COL4A6: variants seen among roughly 807,000 people sequenced by gnomAD.
COL4A6 encodes collagen type IV alpha 6 chain.
A neutral mutation model predicts 126.7 loss-of-function variants in COL4A6; 59 were observed. The observed-to-expected ratio is 0.47, with a 90% CI of 0.38 to 0.58. The LOEUF is 0.58. Among genes scored for constraint, COL4A6 ranks in the 20% least tolerant of loss-of-function variants. The probability of loss-of-function intolerance (pLI) is 0.00; values close to 1 mark genes in which losing one functional copy is unlikely to be tolerated. For missense variants in COL4A6, 1,285 were observed against 1,337.3 expected (o/e 0.96, Z 0.61); for synonymous variants, 547 against 496.6 (o/e 1.10, Z -1.35).
chrX:108,349,859 T>C (rs34149005), intron 2 of COL4A6, among the ~76,000 whole-genome samples: 6,937 of 111,796 alleles, frequency 0.062, 513 homozygotes, highest in African/African-American at 0.2. Context: ...TATTTTCGTC[T>C]ATGCTAGGCA....
intron 5 of COL4A6, among the ~76,000 whole-genome samples, chrX:108,215,704 T>G (rs2035840434): frequency 9.0e-6 from 1 of 111,276 alleles, no homozygotes; most frequent in African/African-American, 3.3e-5. Flanking sequence ...TTTTCCATAG[T>G]CTTAGTTCCT....
intron 2 of COL4A6, among the ~76,000 whole-genome samples, chrX:108,318,747 A>T (rs1926026406): frequency 8.9e-6 from 1 of 112,422 alleles, no homozygotes; most frequent in Non-Finnish European, 1.9e-5. Context: ...ATGGAAGAAT[A>T]TTCCATGCTC....
At chrX:108,228,100 C>G (rs1339590029) in intron 3 of COL4A6, among the ~76,000 whole-genome samples, 2 of 111,576 alleles carry the variant, frequency 1.8e-5, no homozygotes, top group Non-Finnish European at 3.8e-5. Flanking sequence ...AAAACAATAC[C>G]TTTTAGAGCC....
At chrX:108,404,483 G>A (rs959735665) in intron 2 of COL4A6, among the ~76,000 whole-genome samples, 3 of 111,640 alleles carry the variant, frequency 2.7e-5, no homozygotes, top group African/African-American at 9.8e-5. Context: ...CCCTGCGGAA[G>A]TTTTGATTTG....
intron 2 of COL4A6, among the ~76,000 whole-genome samples, chrX:108,410,613 A>G (rs1251095952): frequency 8.9e-6 from 1 of 111,907 alleles, no homozygotes; most frequent in African/African-American, 3.2e-5. Context: ...CTTTGCAAGT[A>G]GGATTGGGTA....
intron 2 of COL4A6, among the ~76,000 whole-genome samples, chrX:108,356,456 A>C (rs7056288): frequency 0.074 from 8,190 of 111,398 alleles, 666 homozygotes; most frequent in African/African-American, 0.23. Flanking sequence ...GCTGAAAAGT[A>C]TTGTGAAGCA....
intron 2 of COL4A6, among the ~76,000 whole-genome samples, chrX:108,417,703 A>G (rs778018696): frequency 6.1e-4 from 68 of 112,260 alleles, no homozygotes; most frequent in South Asian, 2.6e-3. Flanking sequence ...ATATTGTTTT[A>G]CTTACATAGT....
chrX:108,294,398 T>TG (rs1247328277), intron 3 of COL4A6, among the ~76,000 whole-genome samples: 2 of 88,709 alleles, frequency 2.3e-5, no homozygotes, highest in Admixed American at 1.6e-4. Flanking sequence ...AGGGCAATTG[T>TG]GTTTTTTTTT....
chrX:108,316,116 T>G (rs765879888), intron 2 of COL4A6, among the ~76,000 whole-genome samples: 1 of 112,018 alleles, frequency 8.9e-6, no homozygotes, highest in Non-Finnish European at 1.9e-5. Flanking sequence ...GGAAGCAAGA[T>G]AGGAAGTAAC....
At chrX:108,391,268 G>A (rs1317809429) in intron 2 of COL4A6, among the ~76,000 whole-genome samples, 1 of 112,001 alleles carries the variant, frequency 8.9e-6, no homozygotes, top group Non-Finnish European at 1.9e-5. Context: ...AGGCAGGAAC[G>A]TTTAAGTCTG....
intron 3 of COL4A6, among the ~76,000 whole-genome samples, chrX:108,238,362 C>T (rs1284726364): frequency 9.1e-6 from 1 of 109,290 alleles, no homozygotes; most frequent in African/African-American, 3.3e-5. Context: ...CCACCTTGGC[C>T]TCCCAAAGTG....
At chrX:108,238,251 G>A (rs914669617) in intron 3 of COL4A6, among the ~76,000 whole-genome samples, 3 of 108,331 alleles carry the variant, frequency 2.8e-5, no homozygotes, top group Non-Finnish European at 3.8e-5. Flanking sequence ...GATTATAGGC[G>A]CCTACCACCA....
At chrX:108,207,848 T>G (rs1008641606) in intron 8 of COL4A6, among the ~76,000 whole-genome samples, 1 of 110,940 alleles carries the variant, frequency 9.0e-6, no homozygotes, top group Non-Finnish European at 1.9e-5. Flanking sequence ...ATTCATGGAT[T>G]TGGGTATCCA....
chrX:108,292,754 C>G (rs1008573202), intron 3 of COL4A6, among the ~76,000 whole-genome samples: 1 of 109,304 alleles, frequency 9.1e-6, no homozygotes, highest in Non-Finnish European at 1.9e-5. Context: ...CTGAGCCCCT[C>G]CCTGAAAGTC....
intron 20 of COL4A6, among the ~76,000 whole-genome samples, chrX:108,189,611 A>C (rs1569341915): frequency 8.9e-6 from 1 of 112,506 alleles, no homozygotes; most frequent in African/African-American, 3.2e-5. Context: ...TTAACATCTA[A>C]GTTAACTTAA....
At chrX:108,335,109 C>T (rs779630220) in intron 2 of COL4A6, among the ~76,000 whole-genome samples, 34 of 112,065 alleles carry the variant, frequency 3.0e-4, no homozygotes, top group Non-Finnish European at 5.5e-4. Flanking sequence ...CTCTTTATGA[C>T]CATTTGATAT....
chrX:108,187,539 C>T (rs2034906057), intron 22 of COL4A6, among the ~76,000 whole-genome samples: 1 of 111,628 alleles, frequency 9.0e-6, no homozygotes, highest in African/African-American at 3.3e-5. Context: ...AGGATAATAA[C>T]AACCCCAGAG....
rs181757863 is a variant in COL4A6, at chrX:108,284,937, C to T, written c.144+25811G>A. Among the ~76,000 whole-genome samples the T allele has an allele frequency of 1.0e-3, 114 of 112,138 alleles. 4 individuals carry two copies. The East Asian group carries it at 0.031, about 31-fold the overall frequency. The stretch of plus-strand genomic sequence containing the variant: ...GTCCATTTCCTCTTTATAGAAACAC[C>T]TGGCCAATCCCACAGGTTATCTTCC... On this transcript the variant is annotated intron_variant, in intron 3 of 44. Coordinates refer to ENST00000334504, the MANE Select transcript of COL4A6 (RefSeq NM_033641.4).
intron 3 of COL4A6, among the ~76,000 whole-genome samples, chrX:108,291,186 G>C (rs902961563): frequency 9.0e-6 from 1 of 111,567 alleles, no homozygotes. Context: ...CTCTCATTAG[G>C]ACCTTATTTA....
Sources: allele counts gnomAD v4.1 joint callset (sites outside exome capture counted in the v4.1 genomes callset), GRCh38; gene constraint gnomAD v4.1.1; transcripts MANE v1.5; gene names NCBI Gene and HGNC (gene_info 2026-07-23, HGNC 2026-07-21).